The following EBF2 variants were observed in gnomAD, a reference collection of about 807,000 sequenced individuals.
EBF2 encodes the protein EBF transcription factor 2.
Under a neutral mutation model 72.8 loss-of-function variants are expected in EBF2, and 21 were observed. The ratio of observed to expected loss-of-function variants is 0.29; its 90% CI spans 0.20 to 0.42. EBF2 has a LOEUF of 0.42. EBF2 is among the 10% of genes least tolerant of loss of function. The pLI is 1.00. For missense variants in EBF2, 637 were observed against 731.2 expected, an observed-to-expected ratio of 0.87 and a Z score of 1.49; for synonymous variants, 299 against 274.2, an observed-to-expected ratio of 1.09 and a Z score of -0.89.
intron 6 of EBF2, among the ~76,000 whole-genome samples, chr8:25,988,405 T>C (rs922394145): frequency 6.6e-6 from 1 of 152,224 alleles, no homozygotes; most frequent in African/African-American, 2.4e-5. Context: ...TATAAGTCCA[T>C]ATACGCAAAT....
chr8:25,923,231 A>T (rs1259943568), intron 6 of EBF2, among the ~76,000 whole-genome samples: 1 of 152,236 alleles, frequency 6.6e-6, no homozygotes, highest in Non-Finnish European at 1.5e-5. Flanking sequence ...CATAGGCAGG[A>T]TAACCACTCC....
chr8:25,923,020 C>G (rs1402086391), intron 6 of EBF2, among the ~76,000 whole-genome samples: 7 of 152,104 alleles, frequency 4.6e-5, no homozygotes, highest in Admixed American at 4.6e-4. Context: ...CATCTCAGCC[C>G]TTCACTCAGA....
chr8:25,891,091 C>T (rs547678025), intron 7 of EBF2, among the ~76,000 whole-genome samples: 5 of 152,320 alleles, frequency 3.3e-5, no homozygotes, highest in African/African-American at 1.2e-4. Flanking sequence ...AGTTATAAGG[C>T]ATGGTCCCTA....
chr8:25,881,521 G>A (rs567119629), intron 10 of EBF2, among the ~76,000 whole-genome samples: 4 of 152,312 alleles, frequency 2.6e-5, no homozygotes, highest in Middle Eastern at 3.4e-3. Flanking sequence ...ATACTGATAA[G>A]GCTAATGGTA....
chr8:26,007,396 C>A (rs2117229499), intron 6 of EBF2, among the ~76,000 whole-genome samples: 1 of 152,216 alleles, frequency 6.6e-6, no homozygotes, highest in East Asian at 1.9e-4. Flanking sequence ...ACTAGAGATG[C>A]AATTTGTTTC....
intron 10 of EBF2, among the ~76,000 whole-genome samples, chr8:25,881,513 A>G (rs1009548450): frequency 3.9e-5 from 6 of 152,150 alleles, no homozygotes; most frequent in African/African-American, 9.7e-5. Flanking sequence ...CAGTCTCCAT[A>G]CTGATAAGGC....
chr8:25,977,433 C>T (rs1010886186), intron 6 of EBF2, among the ~76,000 whole-genome samples: 3 of 152,112 alleles, frequency 2.0e-5, no homozygotes, highest in Non-Finnish European at 4.4e-5. Flanking sequence ...ACCCCACATG[C>T]AGAGGGGTGC....
chr8:25,971,725 C>CT (rs1563196505), intron 6 of EBF2, among the ~76,000 whole-genome samples: 1 of 152,144 alleles, frequency 6.6e-6, no homozygotes, highest in South Asian at 2.1e-4. Context: ...ATAGATACAC[C>CT]TTTTTGTGTT....
At chr8:25,866,707 C>T (rs937003418) in intron 10 of EBF2, among the ~76,000 whole-genome samples, 1 of 147,370 alleles carries the variant, frequency 6.8e-6, no homozygotes, top group African/African-American at 2.5e-5. Context: ...TCTTGGCTCA[C>T]TGCAACCTCT....
chr8:25,909,298 A>G (rs1803088544), intron 6 of EBF2, among the ~76,000 whole-genome samples: 1 of 152,176 alleles, frequency 6.6e-6, no homozygotes, highest in Non-Finnish European at 1.5e-5. Flanking sequence ...GTTAACCAAG[A>G]AAAATGGCAG....
At chr8:25,918,220 G>A (rs1387964561) in intron 6 of EBF2, among the ~76,000 whole-genome samples, 2 of 152,068 alleles carry the variant, frequency 1.3e-5, no homozygotes, top group Non-Finnish European at 2.9e-5. Flanking sequence ...GCAACTATGG[G>A]TTCACTCTCC....
At chr8:25,956,368 G>A (rs1017017749) in intron 6 of EBF2, among the ~76,000 whole-genome samples, 3 of 150,912 alleles carry the variant, frequency 2.0e-5, no homozygotes, top group Non-Finnish European at 4.4e-5. Flanking sequence ...TCGCATCATT[G>A]TACTCCAGCC....
At chr8:26,028,003 T>A (rs117502366) in intron 6 of EBF2, among the ~76,000 whole-genome samples, 1,857 of 152,258 alleles carry the variant, frequency 0.012, 23 homozygotes, top group Middle Eastern at 0.037. Context: ...GTACAGAGTT[T>A]TAGTTTTGCA....
chr8:25,941,014 A>C (rs933022403), intron 6 of EBF2, among the ~76,000 whole-genome samples: 4 of 152,170 alleles, frequency 2.6e-5, no homozygotes, highest in African/African-American at 9.7e-5. Context: ...GGCAAGATTT[A>C]ATAACAATTA....
intron 6 of EBF2, among the ~76,000 whole-genome samples, chr8:26,003,946 A>G (rs1284979083): frequency 6.6e-5 from 10 of 152,096 alleles, no homozygotes; most frequent in Admixed American, 5.9e-4. Context: ...GGTAGTTTGT[A>G]GCAAAGCTCT....
chr8:25,866,975 A>C (rs142406489), intron 10 of EBF2, among the ~76,000 whole-genome samples: 31 of 152,270 alleles, frequency 2.0e-4, no homozygotes, highest in African/African-American at 6.7e-4. Flanking sequence ...ACATTAATTC[A>C]TGGAAGTAAT....
chr8:26,015,440 G>A (rs1037659326), intron 6 of EBF2, among the ~76,000 whole-genome samples: 1 of 152,218 alleles, frequency 6.6e-6, no homozygotes, highest in African/African-American at 2.4e-5. Context: ...TACTACCACA[G>A]TGCTGAGTGC....
intron 6 of EBF2, among the ~76,000 whole-genome samples, chr8:25,987,705 T>G (rs1804482771): frequency 6.6e-6 from 1 of 152,148 alleles, no homozygotes; most frequent in African/African-American, 2.4e-5. Context: ...AATGCTTCTG[T>G]ATCGTGCTAC....
At chr8:26,019,232 G>A (rs1805165983) in intron 6 of EBF2, among the ~76,000 whole-genome samples, 1 of 151,718 alleles carries the variant, frequency 6.6e-6, no homozygotes, top group Admixed American at 6.6e-5. Context: ...TAGTTCCACA[G>A]CTTTAAGGGC....
Sources: gnomAD v4.1 joint callset for allele counts (sites outside exome capture counted in the v4.1 genomes callset) on GRCh38, gnomAD v4.1.1 for gene constraint, MANE v1.5 for transcripts, NCBI Gene and HGNC (gene_info 2026-07-23, HGNC 2026-07-21) for gene names.